Variants in PADI4 observed in about 807,000 individuals in gnomAD.
PADI4 encodes protein-arginine deiminase type-4.
A neutral mutation model predicts 75.0 loss-of-function variants in PADI4; 62 were observed. That is an observed-to-expected ratio of 0.83 (90% CI 0.67 to 1.02). The LOEUF is 1.02. Among genes scored for constraint, PADI4 ranks in the 50% least tolerant of loss-of-function variants. The pLI is 0.00. For synonymous variants in PADI4, 361 were observed against 348.1 expected (o/e 1.04, Z -0.41); for missense variants, 845 against 850.5 (o/e 0.99, Z 0.08).
At chr1:17,311,454 C>G (rs905762898) in intron 1 of PADI4, among the ~76,000 whole-genome samples, 1 of 151,946 alleles carries the variant, frequency 6.6e-6, no homozygotes, top group African/African-American at 2.4e-5. Flanking sequence ...GAGGTGCCAA[C>G]TGCAAAGGGC....
intron 1 of PADI4, among the ~76,000 whole-genome samples, chr1:17,311,105 A>G (rs2073818289): frequency 6.6e-6 from 1 of 151,920 alleles, no homozygotes; most frequent in South Asian, 2.1e-4. Context: ...TCAAAAAAAA[A>G]AAAAAAAATT....
intron 15 of PADI4, among the ~76,000 whole-genome samples, chr1:17,361,180 C>T (rs1282820714): frequency 1.3e-5 from 2 of 152,214 alleles, no homozygotes; most frequent in Non-Finnish European, 2.9e-5. Flanking sequence ...GGTGGTGCCT[C>T]AAATCCAGTG....
chr1:17,308,356 G>A, intron 1 of PADI4, 42 bp downstream of exon 1: 2 of 1,465,924 alleles, frequency 1.4e-6, no homozygotes, highest in East Asian at 2.3e-5. Context: ...CAGGTCAGGA[G>A]ATGCTGGATG....
intron 10 of PADI4, 25 bp downstream of exon 10, chr1:17,348,073 G>C: frequency 6.9e-7 from 1 of 1,439,770 alleles, no homozygotes; most frequent in Non-Finnish European, 9.8e-7. Flanking sequence ...TGGGGAGGGG[G>C]CACAGCTGCC....
At position 17,346,242 on chromosome 1, in the gene PADI4, C is replaced by T; in HGVS notation, c.1047+103C>T. ...TCAGCCTGGTGCCTCACCGGCCACT[C>T]TTCCTTAGATGGACAGGGAGATAGG... On this transcript the variant is annotated intron_variant, in intron 9 of 15. Transcript: ENST00000375448. The surrounding 1 kb of genome is among the most constrained non-coding windows in gnomAD (Gnocchi z 4.3). 1.5e-6 allele frequency: 1 copy of T among 681,840 alleles called. No homozygotes were observed. The highest frequency in any genetic ancestry group is 2.6e-6 in the Non-Finnish European group (1 of 383,140). The allele number at this position is 681,840 out of a possible 1,614,324, so 42.2% of individuals were successfully genotyped here.
rs775466541 is a variant in PADI4, at chr1:17,347,910, G to A, written c.1048-31G>A. ...GGGCACCAAGACCCAGGCAGCACGC[G>A]CAACAGCCTCCTCTCCACTCACTCC... On this transcript the variant is annotated intron_variant, in intron 9 of 15. Coordinates refer to ENST00000375448, the MANE Select transcript of PADI4 (RefSeq NM_012387.3). 172 of 1,342,852 alleles carry A rather than the reference G, an allele frequency of 1.3e-4. No homozygotes were observed. The East Asian group carries it at 1.5e-3, about 11-fold the overall frequency. 83.2% of individuals were successfully genotyped at this position (1,342,852 alleles called of 1,614,324 possible). A position where few individuals can be genotyped will look rare whatever the true frequency, so the allele number is the denominator to read the frequency against.
At chr1:17,318,444 A>T (rs2073977468) in intron 1 of PADI4, among the ~76,000 whole-genome samples, 1 of 152,232 alleles carries the variant, frequency 6.6e-6, no homozygotes, top group African/African-American at 2.4e-5. Context: ...CAGGCATGTG[A>T]ACACCAACTC....
intron 1 of PADI4, among the ~76,000 whole-genome samples, chr1:17,320,145 C>T (rs796720154): frequency 8.5e-5 from 13 of 152,364 alleles, no homozygotes; most frequent in African/African-American, 2.6e-4. Context: ...CAAACCCATT[C>T]CTTGCAGCTT....
At chr1:17,348,163 G>A (rs1210045118) in intron 10 of PADI4, 115 bp downstream of exon 10, 2 of 591,118 alleles carry the variant, frequency 3.4e-6, no homozygotes, top group South Asian at 2.2e-5. Context: ...CCAGTGCAAG[G>A]AGGTGGAATT....
chr1:17,328,279 C>T (rs1055571560), intron 1 of PADI4, among the ~76,000 whole-genome samples: 26 of 152,138 alleles, frequency 1.7e-4, no homozygotes, highest in African/African-American at 4.8e-5. Flanking sequence ...CTGCCTTTGC[C>T]TCCCAAAGCG....
intron 10 of PADI4, among the ~76,000 whole-genome samples, chr1:17,352,012 GA>G (rs2074650241): frequency 3.1e-5 from 1 of 31,816 alleles, no homozygotes; most frequent in Non-Finnish European, 6.6e-5. Flanking sequence ...GTGATGGGAG[GA>G]GAGGCGGCCA....
chr1:17,325,600 TACTTTTC>T (rs2074104976), intron 1 of PADI4, among the ~76,000 whole-genome samples: 1 of 152,150 alleles, frequency 6.6e-6, no homozygotes, highest in African/African-American at 2.4e-5. Context: ...GTTTTTTTCT[TACTTTTC>T]ACTCTTTATA....
chr1:17,353,261 C>A (rs1376875647), intron 10 of PADI4, among the ~76,000 whole-genome samples: 1 of 152,086 alleles, frequency 6.6e-6, no homozygotes, highest in Non-Finnish European at 1.5e-5. Context: ...GAGTTTGAGA[C>A]CAGCCTGGGC....
rs2073995394 is a variant in PADI4, at chr1:17,319,343, A to G, written c.92+11029A>G. On this transcript the variant is annotated intron_variant, in intron 1 of 15. Transcript: ENST00000375448. ...CACTTTGGAAGGCCAAGATGGGAGGATCCCTTGAGCCCAGGAGTTCAAGAC... is the reference window on the plus strand; with the variant it reads ...CACTTTGGAAGGCCAAGATGGGAGGGTCCCTTGAGCCCAGGAGTTCAAGAC... 5.9e-5 allele frequency among the ~76,000 whole-genome samples: 9 copies of G among 152,202 alleles called. No homozygotes were observed. The South Asian group carries it at 1.9e-3, about 32-fold the overall frequency.
chr1:17,351,064 A>G, intron 10 of PADI4, among the ~76,000 whole-genome samples: 1 of 110,194 alleles, frequency 9.1e-6, no homozygotes, highest in Admixed American at 1.1e-4. Context: ...TAGGCATGGT[A>G]ACACATGCCT....
chr1:17,324,177 G>C (rs2074082466), intron 1 of PADI4, among the ~76,000 whole-genome samples: 1 of 144,846 alleles, frequency 6.9e-6, no homozygotes, highest in South Asian at 2.2e-4. Flanking sequence ...TTGCAAAATG[G>C]TTAATTTCAC....
At chr1:17,313,117 G>A (rs532321629) in intron 1 of PADI4, among the ~76,000 whole-genome samples, 2 of 152,130 alleles carry the variant, frequency 1.3e-5, no homozygotes, top group Non-Finnish European at 2.9e-5. Context: ...TTGAACCTGG[G>A]AGGCGGAGGT....
At chr1:17,318,181 G>A (rs772231197) in intron 1 of PADI4, among the ~76,000 whole-genome samples, 1 of 152,228 alleles carries the variant, frequency 6.6e-6, no homozygotes, top group African/African-American at 2.4e-5. Flanking sequence ...TTTAGGAAGT[G>A]CTGGATGCTG....
rs1489638810 is a variant in PADI4, at chr1:17,346,140, G to T, written c.1047+1G>T. 6.3e-7 allele frequency: 1 copy of T among 1,598,812 alleles called. No homozygotes were observed. Among genetic ancestry groups the T allele is most frequent in the Admixed American group, 1.7e-5 (1 of 59,960 alleles). ...GAACATGGATGACCAGTGGATGCAG[G>T]TATGTGCCCTGCGGGGCAGGCAGGG... On this transcript the variant is annotated splice_donor_variant, in intron 9 of 15. Transcript: ENST00000375448. LOFTEE classifies it high-confidence loss of function. This position sits in a 1 kb window ranked among gnomAD's most constrained non-coding sequence, Gnocchi z 4.3.
Sources: gnomAD v4.1 joint callset for allele counts (sites outside exome capture counted in the v4.1 genomes callset) on GRCh38, gnomAD v4.1.1 for gene constraint, Gnocchi (gnomAD v3.1) non-coding constraint, MANE v1.5 for transcripts, NCBI Gene and HGNC (gene_info 2026-07-23, HGNC 2026-07-21) for gene names.